Variants in SORBS2 observed in about 807,000 individuals in gnomAD.
The protein encoded by SORBS2 is sorbin and SH3 domain-containing protein 2.
A neutral mutation model predicts 97.7 loss-of-function variants in SORBS2; 46 were observed. The ratio of observed to expected loss-of-function variants is 0.47; its 90% confidence interval spans 0.37 to 0.60. SORBS2 has a LOEUF of 0.60. SORBS2 is among the 20% of genes least tolerant of loss of function. The probability of loss-of-function intolerance (pLI) is 0.00; values close to 1 mark genes in which losing one functional copy is unlikely to be tolerated. For missense variants in SORBS2, 1,316 were observed against 1,282.3 expected (o/e 1.03, Z -0.40); for synonymous variants, 476 against 473.4 (o/e 1.01, Z -0.07).
chr4:185,895,403 C>T (rs545257423), intron 1 of SORBS2, among the ~76,000 whole-genome samples: 60 of 152,358 alleles, frequency 3.9e-4, no homozygotes, highest in African/African-American at 1.4e-3. Context: ...AACCGAAGCT[C>T]GACTTAGGTT....
chr4:185,791,919 C>A (rs2099082004), intron 1 of SORBS2, among the ~76,000 whole-genome samples: 1 of 152,154 alleles, frequency 6.6e-6, no homozygotes, highest in African/African-American at 2.4e-5. Flanking sequence ...ACCACCACTG[C>A]CAGTAAACAG....
At chr4:185,936,953 T>C (rs2099269249) in intron 1 of SORBS2, among the ~76,000 whole-genome samples, 1 of 152,268 alleles carries the variant, frequency 6.6e-6, no homozygotes, top group Non-Finnish European at 1.5e-5. Context: ...TAAATTCAGC[T>C]TCTTAGACAG....
intron 1 of SORBS2, among the ~76,000 whole-genome samples, chr4:185,655,054 C>A (rs943182091): frequency 3.9e-5 from 6 of 152,152 alleles, no homozygotes; most frequent in African/African-American, 1.2e-4. Context: ...AACTAGCTGG[C>A]CTTAATGACA....
intron 1 of SORBS2, among the ~76,000 whole-genome samples, chr4:185,654,895 G>A (rs1485903587): frequency 1.3e-5 from 2 of 151,864 alleles, no homozygotes; most frequent in Admixed American, 6.6e-5. Context: ...GATTTAACAC[G>A]CAGAGATTTC....
rs149131182 is a variant in SORBS2 at position 185,892,378 on chromosome 4, T to G, written c.-338+63818A>C. On this transcript the variant is annotated intron_variant, in intron 1 of 20. Transcript: ENST00000284776. The stretch of plus-strand genomic sequence containing the variant: ...TAGAGAGCTCTGCAACATTTCCTTT[T>G]TGCAAACATTAATCCATGTTAATTA... 3.5e-4 allele frequency among the ~76,000 whole-genome samples: 54 copies of G among 152,304 alleles called. No homozygotes were observed. In the East Asian group the frequency reaches 9.8e-3, roughly 28 times the overall value.
chr4:185,608,891 T>G (rs1400188558), intron 12 of SORBS2, among the ~76,000 whole-genome samples: 1 of 152,202 alleles, frequency 6.6e-6, no homozygotes, highest in African/African-American at 2.4e-5. Context: ...GAAGCAGCCC[T>G]CTTGCTCCTG....
rs948783225 is a variant in SORBS2, at chr4:185,666,036, G to C, written c.-45-3794C>G. On this transcript the variant is annotated intron_variant, in intron 4 of 20. Coordinates refer to the SORBS2 transcript ENST00000284776. ...GGCGTGAAGACCCCACACCATCGGG[G>C]GGCGGAAGGCTGAGTGATGCTGAGC... 1.3e-5 allele frequency: 17 copies of C among 1,289,594 alleles called. No homozygotes were observed. In the African/African-American group the frequency reaches 2.4e-4, roughly 18 times the overall value. The allele number at this position is 1,289,594 out of a possible 1,614,324, so 79.9% of individuals were successfully genotyped here.
At chr4:185,922,561 T>C (rs2149927666) in intron 1 of SORBS2, among the ~76,000 whole-genome samples, 1 of 152,340 alleles carries the variant, frequency 6.6e-6, no homozygotes, top group African/African-American at 2.4e-5. Flanking sequence ...TAACCTATGT[T>C]TTTTATTGAG....
intron 12 of SORBS2, among the ~76,000 whole-genome samples, chr4:185,597,326 T>C (rs2096129057): frequency 6.6e-6 from 1 of 152,158 alleles, no homozygotes; most frequent in African/African-American, 2.4e-5. Context: ...TTTCCACAGA[T>C]GTATTTCCTC....
chr4:185,609,030 G>C (rs545421178), intron 12 of SORBS2, among the ~76,000 whole-genome samples: 90 of 151,540 alleles, frequency 5.9e-4, no homozygotes, highest in African/African-American at 2.0e-3. Context: ...ATCGTGGGAT[G>C]ACATAAATAT....
intron 2 of SORBS2, among the ~76,000 whole-genome samples, chr4:185,704,750 G>A (rs1193018893): frequency 6.6e-6 from 1 of 152,176 alleles, no homozygotes; most frequent in African/African-American, 2.4e-5. Flanking sequence ...TCAGCTCTGG[G>A]AAGGGCAGCA....
chr4:185,613,240 G>A (rs1019668663), intron 11 of SORBS2, among the ~76,000 whole-genome samples: 4 of 152,140 alleles, frequency 2.6e-5, no homozygotes, highest in Non-Finnish European at 5.9e-5. Context: ...CCTTCTTCAG[G>A]TGCTACCCAA....
chr4:185,879,307 A>G (rs1429221751), intron 1 of SORBS2, among the ~76,000 whole-genome samples: 4 of 151,664 alleles, frequency 2.6e-5, no homozygotes, highest in African/African-American at 9.7e-5. Flanking sequence ...GCTGAGAATG[A>G]TGGTTTCCAG....
intron 4 of SORBS2, chr4:185,677,655 A>T (rs1199688779): frequency 6.8e-7 from 1 of 1,471,532 alleles, no homozygotes; most frequent in African/African-American, 1.4e-5. Flanking sequence ...TGACAATGGG[A>T]TCCAGAGAAA....
intron 2 of SORBS2, among the ~76,000 whole-genome samples, chr4:185,724,524 T>C (rs1308897123): frequency 6.6e-6 from 1 of 152,090 alleles, no homozygotes; most frequent in Non-Finnish European, 1.5e-5. Context: ...AACCTAACTT[T>C]CCTACCTCTC....
At chr4:185,869,744 CA>C (rs1303532753) in intron 1 of SORBS2, among the ~76,000 whole-genome samples, 1 of 152,172 alleles carries the variant, frequency 6.6e-6, no homozygotes, top group Admixed American at 6.5e-5. Context: ...AGTCACCAGG[CA>C]GGGAGCAAAG....
At chr4:185,867,518 A>G (rs558342462) in intron 1 of SORBS2, among the ~76,000 whole-genome samples, 1 of 152,144 alleles carries the variant, frequency 6.6e-6, no homozygotes, top group African/African-American at 2.4e-5. Context: ...TTTCATTTTC[A>G]TCTATAATAC....
chr4:185,587,769 A>C (rs2095820283), intron 14 of SORBS2, 81 bp from the exon 27 acceptor site: 8 of 1,078,926 alleles, frequency 7.4e-6, no homozygotes, highest in Non-Finnish European at 1.1e-5. Flanking sequence ...TCCCATTTAC[A>C]AGGCCTCGGA....
intron 1 of SORBS2, among the ~76,000 whole-genome samples, chr4:185,947,652 C>T (rs751014579): frequency 4.6e-5 from 7 of 152,046 alleles, no homozygotes; most frequent in Non-Finnish European, 7.4e-5. Context: ...GCTCTTGTTG[C>T]CCAGGCTGGA....
Sources: allele counts gnomAD v4.1 joint callset (sites outside exome capture counted in the v4.1 genomes callset), GRCh38; gene constraint gnomAD v4.1.1; transcripts MANE v1.5; gene names NCBI Gene and HGNC (gene_info 2026-07-23, HGNC 2026-07-21).